The following ALMS1 variants were observed in gnomAD, a reference collection of about 807,000 sequenced individuals.
The protein encoded by ALMS1 is ALMS1 centrosome and basal body associated protein.
In ALMS1, 271 loss-of-function variants were observed where a neutral mutation model predicts 352.2. That is an observed-to-expected ratio of 0.77 (90% CI 0.70 to 0.85). The LOEUF (loss-of-function observed/expected upper bound fraction) is 0.85, where lower values mean the gene tolerates loss of function less well. ALMS1 is among the 40% of genes least tolerant of loss of function. The pLI is 0.00. For synonymous variants in ALMS1, 1,865 were observed against 1,761.2 expected, an observed-to-expected ratio of 1.06 and a Z score of -1.48; for missense variants, 5,445 against 4,870.7, an observed-to-expected ratio of 1.12 and a Z score of -3.51.
intron 22 of ALMS1, among the ~76,000 whole-genome samples, chr2:73,608,924 G>A (rs1269011993): frequency 6.6e-6 from 1 of 152,198 alleles, no homozygotes; most frequent in Non-Finnish European, 1.5e-5. Flanking sequence ...TCATTGGTGA[G>A]TCAGATACCT....
chr2:73,476,523 C>T lies in ALMS1; in HGVS notation c.7675-13111C>T, dbSNP rs72909378. On this transcript the variant is annotated intron_variant, in intron 9 of 22. Transcript: ENST00000613296. Reference sequence around the variant, plus strand: ...TGTTTACATTCCCACCAGCAGTATTCGAGGGTACTGATTTCTCCACATCCT... The same window carrying T: ...TGTTTACATTCCCACCAGCAGTATTTGAGGGTACTGATTTCTCCACATCCT... Among the ~76,000 whole-genome samples the T allele has an allele frequency of 4.1e-3, 618 of 151,882 alleles. 6 individuals carry two copies. The highest frequency in any genetic ancestry group is 0.012 in the African/African-American group (514 of 41,454).
At position 73,452,227 on chromosome 2, in the gene ALMS1, G is replaced by A. The variant is rs1162102869; in HGVS notation, c.5700G>A (p.Glu1900=). 1 of 1,613,978 alleles carries A rather than the reference G, an allele frequency of 6.2e-7. No homozygotes were observed. The highest frequency in any genetic ancestry group is 8.5e-7 in the Non-Finnish European group (1 of 1,180,014). Residue 1900 remains glutamate (E), a synonymous_variant, in exon 8 of 23, where the codon GAG becomes GAA. Transcript: ENST00000613296. ...CCTCTAGTTCCTACTCAAATAGAGA[G>A]AAGGCCAGTATTTTTCATCAGCAGG... The part of the protein sequence containing the change: ...IASSSSYSNR[E]KASIFHQQEL...
chr2:73,451,424 C>T lies in ALMS1; in HGVS notation c.4897C>T (p.Leu1633=). ...KPITFYRQAL[L]DSPLNKEVVK... ...CATTACTTTCTACCGGCAGGCTCTG[C>T]TAGACAGTCCTCTAAATAAAGAGGT... The change falls in exon 8 of 23, where the codon CTA becomes TTA. Residue 1633 remains leucine, a synonymous_variant. Coordinates refer to ENST00000613296, the MANE Select transcript of ALMS1 (RefSeq NM_001378454.1). 6.2e-7 allele frequency: 1 copy of T among 1,613,984 alleles called. No individual in the cohort carries two copies. Among genetic ancestry groups the T allele is most frequent in the Non-Finnish European group, 8.5e-7 (1 of 1,179,970 alleles).
intron 9 of ALMS1, among the ~76,000 whole-genome samples, chr2:73,461,152 C>T (rs1672190927): frequency 6.6e-6 from 1 of 152,182 alleles, no homozygotes; most frequent in Non-Finnish European, 1.5e-5. Context: ...CAAGTGGGTC[C>T]CTGACCCCCA....
intron 2 of ALMS1, among the ~76,000 whole-genome samples, chr2:73,416,573 C>A (rs561914621): frequency 6.6e-6 from 1 of 151,972 alleles, no homozygotes; most frequent in Non-Finnish European, 1.5e-5. Context: ...AAAATGTTTG[C>A]GAAAATATTT....
chr2:73,589,606 GTACCA>G (rs1407318283), intron 16 of ALMS1, among the ~76,000 whole-genome samples: 1 of 152,146 alleles, frequency 6.6e-6, no homozygotes. Context: ...TATAAAAGGT[GTACCA>G]TTATTTTTGT....
At chr2:73,485,643 C>G (rs1018324938) in intron 9 of ALMS1, among the ~76,000 whole-genome samples, 4 of 152,228 alleles carry the variant, frequency 2.6e-5, no homozygotes, top group African/African-American at 9.6e-5. Context: ...CTAAGCAAGC[C>G]TGGGCAATGG....
chr2:73,574,366 T>C (rs1675007959), intron 16 of ALMS1, among the ~76,000 whole-genome samples: 1 of 152,170 alleles, frequency 6.6e-6, no homozygotes, highest in Non-Finnish European at 1.5e-5. Flanking sequence ...AATGGTTCAG[T>C]GGAGTATGGA....
At chr2:73,534,318 C>T (rs1035327238) in intron 11 of ALMS1, among the ~76,000 whole-genome samples, 15 of 151,806 alleles carry the variant, frequency 9.9e-5, no homozygotes, top group African/African-American at 3.1e-4. Flanking sequence ...GTTTTGAAGC[C>T]CTGTCACATA....
intron 11 of ALMS1, among the ~76,000 whole-genome samples, chr2:73,523,645 T>C (rs1487506151): frequency 1.3e-5 from 2 of 152,088 alleles, no homozygotes; most frequent in Non-Finnish European, 2.9e-5. Context: ...CACATGCCTG[T>C]AATCCCAGCT....
At chr2:73,598,581 CCTT>C (rs1341618106) in intron 16 of ALMS1, among the ~76,000 whole-genome samples, 1 of 152,130 alleles carries the variant, frequency 6.6e-6, no homozygotes, top group African/African-American at 2.4e-5. Flanking sequence ...AGTTTCCTAT[CCTT>C]ACCCTGGCTT....
intron 21 of ALMS1, among the ~76,000 whole-genome samples, chr2:73,605,837 C>CG (rs1391169078): frequency 6.6e-6 from 1 of 150,554 alleles, no homozygotes; most frequent in East Asian, 1.9e-4. Flanking sequence ...GTGCGAAACT[C>CG]TGTCTCAAAA....
chr2:73,526,824 A>G (rs1673801361), intron 11 of ALMS1, among the ~76,000 whole-genome samples: 1 of 152,090 alleles, frequency 6.6e-6, no homozygotes, highest in Non-Finnish European at 1.5e-5. Flanking sequence ...ACGGTTTTGA[A>G]AGTAGGCATT....
chr2:73,458,152 T>G (rs1412727099), intron 9 of ALMS1: 1 of 152,126 alleles, frequency 6.6e-6, no homozygotes, highest in Non-Finnish European at 1.5e-5. Flanking sequence ...TATGATTGAC[T>G]TTTTTCAGTC....
intron 7 of ALMS1, among the ~76,000 whole-genome samples, chr2:73,447,275 A>G (rs1466997419): frequency 6.6e-6 from 1 of 152,136 alleles, no homozygotes; most frequent in Non-Finnish European, 1.5e-5. Context: ...TGCAACCTAG[A>G]TTTTTACATT....
At chr2:73,488,543 C>A (rs1017390846) in intron 9 of ALMS1, among the ~76,000 whole-genome samples, 6 of 152,140 alleles carry the variant, frequency 3.9e-5, no homozygotes, top group African/African-American at 4.8e-5. Flanking sequence ...GGGTGGGGTT[C>A]CTGCCCCTCC....
At position 73,452,802 on chromosome 2, in the gene ALMS1, C is replaced by G. The variant is rs749180234; in HGVS notation, c.6275C>G (p.Ser2092Cys). 3.1e-6 allele frequency: 5 copies of G among 1,613,714 alleles called. No homozygotes were observed. The highest frequency in any genetic ancestry group is 4.2e-6 in the Non-Finnish European group (5 of 1,179,976). ...DVNTGKPVSL[S>C]SSYFHREKSN... ...AATACTGGAAAACCAGTATCTCTCT[C>G]TAGTTCTTATTTTCACAGAGAGAAA... The change falls in exon 8 of 23, where the codon TCT becomes TGT. Residue 2092 changes from serine (S) to cysteine (C), a missense_variant. Coordinates refer to ENST00000613296, the MANE Select transcript of ALMS1 (RefSeq NM_001378454.1).
Position 73,452,105 on chromosome 2 carries a change from T to C in ALMS1, c.5578T>C (p.Ser1860Pro), listed in dbSNP as rs369123543. ...SYPQREHSVISYEQELPDLTE... is the reference protein window; with the variant it reads ...SYPQREHSVIPYEQELPDLTE... ...CCCACAGAGAGAGCACTCTGTCATT[T>C]CTTATGAGCAGGAGTTGCCAGATCT... is the stretch of plus-strand genomic sequence containing the variant. The change falls in exon 8 of 23, where the codon TCT becomes CCT. Residue 1860 changes from serine (S) to proline (P), a missense_variant. Transcript: ENST00000613296. 1.9e-6 allele frequency: 3 copies of C among 1,613,772 alleles called. No homozygotes were observed. The highest frequency in any genetic ancestry group is 2.5e-6 in the Non-Finnish European group (3 of 1,179,950).
At chr2:73,469,411 A>G (rs935541440) in intron 9 of ALMS1, 1 of 151,954 alleles carries the variant, frequency 6.6e-6, no homozygotes, top group African/African-American at 2.4e-5. Context: ...AAAAACATAC[A>G]ATGTGGTAAA....
Sources: allele counts gnomAD v4.1 joint callset (sites outside exome capture counted in the v4.1 genomes callset), GRCh38; gene constraint gnomAD v4.1.1; transcripts MANE v1.5; gene names NCBI Gene and HGNC (gene_info 2026-07-23, HGNC 2026-07-21).